Variants in ATP6V1E1 observed in about 807,000 individuals in gnomAD.
ATP6V1E1 encodes the protein ATPase H+ transporting V1 subunit E1, also known as V-type proton ATPase subunit E 1.
In ATP6V1E1, 21 loss-of-function variants were observed where a neutral mutation model predicts 35.2. The observed-to-expected ratio is 0.60, with a 90% confidence interval of 0.42 to 0.86. The LOEUF (loss-of-function observed/expected upper bound fraction) is 0.86, where lower values mean the gene tolerates loss of function less well. Among genes scored for constraint, ATP6V1E1 ranks in the 40% least tolerant of loss-of-function variants. The probability of loss-of-function intolerance (pLI) is 0.00; values close to 1 mark genes in which losing one functional copy is unlikely to be tolerated. For synonymous variants in ATP6V1E1, 83 were observed against 87.8 expected, an observed-to-expected ratio of 0.95 and a Z score of 0.30; for missense variants, 183 against 272.6, an observed-to-expected ratio of 0.67 and a Z score of 2.32.
At chr22:17,607,043 T>C (rs1276636225) in intron 4 of ATP6V1E1, among the ~76,000 whole-genome samples, 1 of 152,210 alleles carries the variant, frequency 6.6e-6, no homozygotes, top group Non-Finnish European at 1.5e-5. Context: ...TTCTGTGTTG[T>C]CTCCACATAA....
intron 1 of ATP6V1E1, among the ~76,000 whole-genome samples, chr22:17,622,766 G>A (rs1364660266): frequency 6.6e-6 from 1 of 151,540 alleles, no homozygotes; most frequent in Non-Finnish European, 1.5e-5. Context: ...GGGAGTTTGA[G>A]ACCAGCCTGG....
intron 4 of ATP6V1E1, among the ~76,000 whole-genome samples, chr22:17,606,784 A>T (rs2057788937): frequency 6.6e-6 from 1 of 152,220 alleles, no homozygotes; most frequent in African/African-American, 2.4e-5. Context: ...CAAATGTGAA[A>T]AACGACATCT....
intron 1 of ATP6V1E1, among the ~76,000 whole-genome samples, chr22:17,623,294 T>A (rs531168752): frequency 1.3e-5 from 2 of 152,286 alleles, no homozygotes; most frequent in African/African-American, 4.8e-5. Context: ...AAAGATCAGC[T>A]CCACAAATTT....
chr22:17,614,304 C>T (rs772370672), intron 2 of ATP6V1E1, among the ~76,000 whole-genome samples: 19 of 150,970 alleles, frequency 1.3e-4, no homozygotes, highest in Non-Finnish European at 2.1e-4. Flanking sequence ...GAGCCGAGAT[C>T]GTGCCACTGC....
At chr22:17,611,387 G>C (rs2057814777) in intron 4 of ATP6V1E1, among the ~76,000 whole-genome samples, 1 of 152,138 alleles carries the variant, frequency 6.6e-6, no homozygotes, top group Non-Finnish European at 1.5e-5. Context: ...CCACATTCCT[G>C]GAGTTTCAAA....
In ATP6V1E1 at chr22:17,612,874, T is replaced by A. The variant is rs767653911; in HGVS notation, c.214A>T (p.Met72Leu). ...CTCGCTTGATTCATCAAATTGGACA[T>A]CTGACTGCAAAACGGTATTGAAAAA... is the stretch of plus-strand genomic sequence containing the variant. ...KQIEQQKKIQ[M>L]SNLMNQARLK... The change falls in exon 4 of 9, where the codon ATG (methionine) becomes TTG (leucine). Residue 72 changes from methionine (M) to leucine (L), a missense_variant. By Grantham distance (15) the Met-to-Leu change is conservative. Transcript: ENST00000253413. The A allele has an allele frequency of 7.0e-5, 112 of 1,608,604 alleles. No homozygotes were observed. Among genetic ancestry groups the A allele is most frequent in the Middle Eastern group, 6.6e-4 (4 of 6,058 alleles).
intron 4 of ATP6V1E1, among the ~76,000 whole-genome samples, chr22:17,604,223 C>T (rs879416889): frequency 6.6e-6 from 1 of 152,174 alleles, no homozygotes; most frequent in Non-Finnish European, 1.5e-5. Context: ...GTGACACCCT[C>T]TGGTGTGACT....
At position 17,598,430 on chromosome 22, in the gene ATP6V1E1, G is replaced by A. The variant is rs2057744434; in HGVS notation, c.436-142C>T. ...GCACCGCTGGTGGGAATGTAAAACG[G>A]CACGGCCACTGAGGAGAAATGACAG... On this transcript the variant is annotated intron_variant, in intron 6 of 8. Transcript: ENST00000253413. The A allele has an allele frequency of 7.7e-6, 5 of 652,462 alleles. No individual in the cohort carries two copies. In the Admixed American group the frequency reaches 8.2e-5, roughly 11 times the overall value. 40.4% of individuals were successfully genotyped at this position (652,462 alleles called of 1,614,324 possible).
At chr22:17,622,499 T>C (rs2057882728) in intron 1 of ATP6V1E1, among the ~76,000 whole-genome samples, 1 of 152,090 alleles carries the variant, frequency 6.6e-6, no homozygotes, top group African/African-American at 2.4e-5. Flanking sequence ...AAAGCACTAC[T>C]GGGTGGGGAG....
chr22:17,625,219 TAAG>T (rs2057897876), intron 1 of ATP6V1E1, among the ~76,000 whole-genome samples: 1 of 152,102 alleles, frequency 6.6e-6, no homozygotes, highest in Non-Finnish European at 1.5e-5. Context: ...CATATTAGGT[TAAG>T]AATAAAATGA....
At chr22:17,624,322 G>A (rs957294689) in intron 1 of ATP6V1E1, among the ~76,000 whole-genome samples, 1 of 152,192 alleles carries the variant, frequency 6.6e-6, no homozygotes, top group African/African-American at 2.4e-5. Context: ...TTGGGAGGCT[G>A]AGGCGGGCAG....
chr22:17,595,726 CAGG>C (rs2057728479), intron 7 of ATP6V1E1, among the ~76,000 whole-genome samples: 1 of 151,972 alleles, frequency 6.6e-6, no homozygotes, highest in Non-Finnish European at 1.5e-5. Flanking sequence ...GAGACTGAGG[CAGG>C]AGAATTGCTT....
Position 17,628,667 on chromosome 22 carries a change from G to C in ATP6V1E1, c.-32C>G, listed in dbSNP as rs1175011075. ...AGCAATGCTAGGCCGGTGAACAGTA[G>C]GCTCGAGTTTAGGTTTGAAAGGTGA... On this transcript the variant is annotated 5_prime_UTR_variant, in exon 1 of 9. Transcript: ENST00000253413. The C allele has an allele frequency of 1.2e-6, 2 of 1,614,034 alleles. No individual in the cohort carries two copies. The highest frequency in any genetic ancestry group is 1.7e-5 in the Admixed American group (1 of 60,026).
intron 1 of ATP6V1E1, among the ~76,000 whole-genome samples, chr22:17,622,502 G>A (rs1220802202): frequency 2.0e-5 from 3 of 152,168 alleles, no homozygotes; most frequent in Non-Finnish European, 2.9e-5. Context: ...GCACTACTGG[G>A]TGGGGAGCTA....
chr22:17,626,294 C>T (rs1331718109), intron 1 of ATP6V1E1, among the ~76,000 whole-genome samples: 16 of 115,646 alleles, frequency 1.4e-4, no homozygotes, highest in African/African-American at 5.0e-4. Context: ...GGCAACAGAG[C>T]GAGACTTCGT....
chr22:17,598,032 T>C, intron 7 of ATP6V1E1, 162 bp downstream of exon 7: 2 of 625,508 alleles, frequency 3.2e-6, no homozygotes, highest in Non-Finnish European at 5.6e-6. Context: ...AAGAGAGCAC[T>C]GCGAGAACAA....
At chr22:17,598,073 G>T in intron 7 of ATP6V1E1, 121 bp downstream of exon 7, 1 of 769,742 alleles carries the variant, frequency 1.3e-6, no homozygotes. Context: ...ATACACCACA[G>T]CTCTAGCCTT....
chr22:17,611,647 C>T (rs1374059991), intron 4 of ATP6V1E1, among the ~76,000 whole-genome samples: 1 of 152,168 alleles, frequency 6.6e-6, no homozygotes. Flanking sequence ...AGCATCTTGA[C>T]TTCCCATTTT....
chr22:17,627,083 G>A (rs1357127181), intron 1 of ATP6V1E1, among the ~76,000 whole-genome samples: 1 of 152,086 alleles, frequency 6.6e-6, no homozygotes, highest in Non-Finnish European at 1.5e-5. Context: ...TCCGCCTGCC[G>A]GGTTCAAGCG....
Sources: allele counts gnomAD v4.1 joint callset (sites outside exome capture counted in the v4.1 genomes callset), GRCh38; gene constraint gnomAD v4.1.1; transcripts MANE v1.5; gene names NCBI Gene and HGNC (gene_info 2026-07-23, HGNC 2026-07-21).